ZCCHC7: variants seen among roughly 807,000 people sequenced by gnomAD.
ZCCHC7 encodes the protein zinc finger CCHC domain-containing protein 7.
ZCCHC7 carries 35 observed loss-of-function variants against 52.0 expected under a neutral mutation model. That is an observed-to-expected ratio of 0.67 (90% CI 0.51 to 0.89). The LOEUF (loss-of-function observed/expected upper bound fraction) is 0.89. Among genes scored for constraint, ZCCHC7 ranks in the 40% least tolerant of loss-of-function variants. The pLI, the probability that ZCCHC7 is intolerant of heterozygous loss-of-function variation, is 0.00. For missense variants in ZCCHC7, 574 were observed against 649.1 expected (o/e 0.88, Z 1.26); for synonymous variants, 217 against 221.5 (o/e 0.98, Z 0.18).
intron 2 of ZCCHC7, among the ~76,000 whole-genome samples, chr9:37,132,957 T>G (rs1042386938): frequency 9.9e-5 from 15 of 152,128 alleles, no homozygotes; most frequent in Non-Finnish European, 1.9e-4. Flanking sequence ...ACCAACATGG[T>G]GAAACCCCGT....
rs140108036 is a variant in ZCCHC7 at position 37,133,336 on chromosome 9, G to A, written c.610+6394G>A. Among the ~76,000 whole-genome samples, 97 of 150,228 alleles carry A rather than the reference G, an allele frequency of 6.5e-4. 1 individual carries two copies. The East Asian group carries it at 8.2e-3, about 13-fold the overall frequency. ...TCATAATGAGAAGAAAAATATACAC[G>A]TTAAGTAGACATGCAATTTTTTTTG... On this transcript the variant is annotated intron_variant, in intron 2 of 8. Coordinates refer to ENST00000336755, the MANE Select transcript of ZCCHC7 (RefSeq NM_032226.3).
In ZCCHC7 at chr9:37,131,196, C is replaced by T. The variant is rs940780167; in HGVS notation, c.610+4254C>T. ...TCTACTAAAAATACAAAAAATTAGC[C>T]GGGTGTGGTGGCGGACGCCTGTAGT... On this transcript the variant is annotated intron_variant, in intron 2 of 8. Transcript: ENST00000336755. 5.3e-5 allele frequency among the ~76,000 whole-genome samples: 8 copies of T among 150,822 alleles called. No individual in the cohort carries two copies. The East Asian group carries it at 1.2e-3, about 22-fold the overall frequency.
At chr9:37,318,448 C>T (rs115262630) in intron 5 of ZCCHC7, among the ~76,000 whole-genome samples, 7,688 of 150,834 alleles carry the variant, frequency 0.051, 639 homozygotes, top group African/African-American at 0.18. Context: ...ACAAGAAGAA[C>T]GAAACTCCAT....
At chr9:37,315,610 G>A (rs970828146) in intron 5 of ZCCHC7, among the ~76,000 whole-genome samples, 6 of 151,702 alleles carry the variant, frequency 4.0e-5, no homozygotes, top group African/African-American at 1.5e-4. Context: ...AATCATTACG[G>A]TGAGGTAGTT....
chr9:37,274,299 T>C (rs538710942), intron 2 of ZCCHC7, among the ~76,000 whole-genome samples: 27 of 151,648 alleles, frequency 1.8e-4, no homozygotes, highest in Non-Finnish European at 3.5e-4. Context: ...TGTATAGTGA[T>C]ATAATTTTAT....
chr9:37,304,195 T>G lies in ZCCHC7; in HGVS notation c.662T>G (p.Ile221Arg). 6.2e-7 allele frequency: 1 copy of G among 1,608,196 alleles called. No individual in the cohort carries two copies. Among genetic ancestry groups the G allele is most frequent in the Non-Finnish European group, 8.5e-7 (1 of 1,178,112 alleles). Reference protein sequence around the residue: ...SISDKDIEAQIANNRTPGRWT... With the variant: ...SISDKDIEAQRANNRTPGRWT... Reference sequence around the variant, plus strand: ...GATTTTTTTTTCCCTTAGGCCCAGATAGCTAATAACCGAACACCTGGAAGA... The same window carrying G: ...GATTTTTTTTTCCCTTAGGCCCAGAGAGCTAATAACCGAACACCTGGAAGA... Residue 221 changes from isoleucine (I) to arginine (R), a missense_variant, in exon 4 of 9, where the codon ATA (isoleucine) becomes AGA (arginine). Physicochemically the swap from Ile to Arg is moderately conservative, Grantham distance 97. This residue lies in a region of ZCCHC7 where 403 missense variants were observed against 461.2 expected (regional missense o/e 0.87). Transcript: ENST00000336755.
intron 2 of ZCCHC7, among the ~76,000 whole-genome samples, chr9:37,179,792 A>G (rs78786311): frequency 2.0e-5 from 3 of 152,192 alleles, no homozygotes; most frequent in Non-Finnish European, 2.9e-5. Context: ...AACAACATGG[A>G]AAAAGGATCT....
intron 2 of ZCCHC7, among the ~76,000 whole-genome samples, chr9:37,164,600 G>T (rs1821319078): frequency 6.6e-6 from 1 of 152,072 alleles, no homozygotes; most frequent in South Asian, 2.1e-4. Context: ...AAGAAGAAAA[G>T]AAACAGGGTC....
chr9:37,260,935 T>G (rs1376191932), intron 2 of ZCCHC7, among the ~76,000 whole-genome samples: 1 of 152,230 alleles, frequency 6.6e-6, no homozygotes, highest in Non-Finnish European at 1.5e-5. Flanking sequence ...TCTATATCTT[T>G]CTTTTAATTA....
chr9:37,234,281 G>C (rs1428065725), intron 2 of ZCCHC7, among the ~76,000 whole-genome samples: 3 of 152,196 alleles, frequency 2.0e-5, no homozygotes, highest in Non-Finnish European at 4.4e-5. Flanking sequence ...CTGTTTCTCA[G>C]ATCTATTGTT....
At chr9:37,254,837 CTTT>C (rs59489076) in intron 2 of ZCCHC7, among the ~76,000 whole-genome samples, 3 of 93,462 alleles carry the variant, frequency 3.2e-5, no homozygotes, top group Admixed American at 1.4e-4. Flanking sequence ...CAAAAAGTTT[CTTT>C]TTTTTTTTTT....
intron 2 of ZCCHC7, among the ~76,000 whole-genome samples, chr9:37,173,474 C>T (rs190038144): frequency 1.1e-4 from 16 of 152,180 alleles, no homozygotes; most frequent in South Asian, 4.2e-4. Flanking sequence ...AAGGACTCAC[C>T]GTAGAATTCC....
At chr9:37,336,126 T>G (rs539299251) in intron 6 of ZCCHC7, among the ~76,000 whole-genome samples, 2 of 152,098 alleles carry the variant, frequency 1.3e-5, no homozygotes, top group South Asian at 4.1e-4. Flanking sequence ...TTTTTGCACT[T>G]TAGGTAAAAC....
chr9:37,233,584 A>T (rs560511631), intron 2 of ZCCHC7, among the ~76,000 whole-genome samples: 1 of 152,230 alleles, frequency 6.6e-6, no homozygotes, highest in African/African-American at 2.4e-5. Flanking sequence ...GTCTCTATCC[A>T]TAAATCTTTC....
intron 6 of ZCCHC7, among the ~76,000 whole-genome samples, chr9:37,343,473 G>A (rs776245433): frequency 6.6e-6 from 1 of 151,950 alleles, no homozygotes; most frequent in Non-Finnish European, 1.5e-5. Flanking sequence ...CGTATTCCTC[G>A]CAGTGTCTAT....
intron 2 of ZCCHC7, among the ~76,000 whole-genome samples, chr9:37,268,224 C>T (rs10973282): frequency 0.14 from 20,578 of 151,976 alleles, 1,697 homozygotes; most frequent in Non-Finnish European, 0.17. Flanking sequence ...CTCTTGGTAT[C>T]TCTAATGTGC....
chr9:37,166,992 C>T (rs1196429600), intron 2 of ZCCHC7, among the ~76,000 whole-genome samples: 3 of 152,036 alleles, frequency 2.0e-5, no homozygotes, highest in Admixed American at 6.5e-5. Context: ...AAATATCCTG[C>T]GTAAGAATGC....
chr9:37,223,708 C>G (rs896995520), intron 2 of ZCCHC7, among the ~76,000 whole-genome samples: 2 of 152,036 alleles, frequency 1.3e-5, no homozygotes, highest in Non-Finnish European at 2.9e-5. Context: ...GTTTCACTTA[C>G]AGGAATTTGT....
At chr9:37,172,731 G>A (rs887831798) in intron 2 of ZCCHC7, among the ~76,000 whole-genome samples, 1 of 152,020 alleles carries the variant, frequency 6.6e-6, no homozygotes, top group East Asian at 1.9e-4. Flanking sequence ...AGTGAGCATC[G>A]TGGGCATTCC....
Sources: allele counts gnomAD v4.1 joint callset (sites outside exome capture counted in the v4.1 genomes callset), GRCh38; gene constraint gnomAD v4.1.1; regional missense constraint gnomAD v4.1.1; transcripts MANE v1.5; gene names NCBI Gene and HGNC (gene_info 2026-07-23, HGNC 2026-07-21).